C3orf70: variants seen among roughly 807,000 people sequenced by gnomAD.
C3orf70 encodes the protein UPF0524 protein C3orf70.
Under a neutral mutation model 20.7 loss-of-function variants are expected in C3orf70, and 15 were observed. That is an observed-to-expected ratio of 0.72 (90% CI 0.48 to 1.11). The LOEUF (loss-of-function observed/expected upper bound fraction) is 1.11, where lower values mean the gene tolerates loss of function less well. Ranked by LOEUF, C3orf70 falls within the 50% of genes most tolerant of loss-of-function variation. The probability of loss-of-function intolerance (pLI) is 0.00; values close to 1 mark genes in which losing one functional copy is unlikely to be tolerated. For synonymous variants in C3orf70, 161 were observed against 125.7 expected (o/e 1.28, Z -1.88); for missense variants, 332 against 317.6 (o/e 1.05, Z -0.34).
intron 1 of C3orf70, among the ~76,000 whole-genome samples, chr3:185,142,867 C>A (rs1345841821): frequency 6.6e-6 from 1 of 151,948 alleles, no homozygotes; most frequent in East Asian, 1.9e-4. Context: ...CACGATGAAA[C>A]AATTAGGCAA....
chr3:185,146,412 C>T (rs1308946329), intron 1 of C3orf70, among the ~76,000 whole-genome samples: 2 of 151,282 alleles, frequency 1.3e-5, no homozygotes, highest in African/African-American at 2.4e-5. Context: ...CTCAGCCTCC[C>T]GAGGAGCTGG....
intron 1 of C3orf70, among the ~76,000 whole-genome samples, chr3:185,090,810 A>G (rs1482497085): frequency 6.6e-6 from 1 of 152,198 alleles, no homozygotes; most frequent in Non-Finnish European, 1.5e-5. Flanking sequence ...GGCAGTCAAT[A>G]CACCAATATT....
chr3:185,126,822 G>A (rs1716421161), intron 1 of C3orf70, among the ~76,000 whole-genome samples: 1 of 152,120 alleles, frequency 6.6e-6, no homozygotes, highest in Non-Finnish European at 1.5e-5. Flanking sequence ...CAGTTGTATG[G>A]CCACAAAACA....
At position 185,152,949 on chromosome 3, in the gene C3orf70, G is replaced by A. The variant is rs1363552444; in HGVS notation, c.-126C>T. ...CGGGCCGGGAGTCACGCCAGCACGC[G>A]GCGGCGGCGGGAGCGCGGCGGTCCC... On this transcript the variant is annotated 5_prime_UTR_variant, in exon 1 of 2. Transcript: ENST00000335012. The A allele has an allele frequency of 8.8e-6, 7 of 792,396 alleles. No individual in the cohort carries two copies. Among genetic ancestry groups the A allele is most frequent in the Non-Finnish European group, 1.2e-5 (7 of 590,996 alleles). The allele number at this position is 792,396 out of a possible 1,614,324, so 49.1% of individuals were successfully genotyped here.
chr3:185,122,098 CAA>C (rs759419036), intron 1 of C3orf70, among the ~76,000 whole-genome samples: 2 of 59,010 alleles, frequency 3.4e-5, no homozygotes, highest in Admixed American at 1.7e-4. Context: ...GACTCCGTCT[CAA>C]AAAAAAAAAA....
chr3:185,148,415 A>G (rs559431310), intron 1 of C3orf70, among the ~76,000 whole-genome samples: 87 of 152,320 alleles, frequency 5.7e-4, no homozygotes, highest in African/African-American at 2.1e-3. Flanking sequence ...TCTAGAAGTT[A>G]ACCTTAATAA....
At chr3:185,119,841 T>C (rs970110223) in intron 1 of C3orf70, among the ~76,000 whole-genome samples, 31 of 151,610 alleles carry the variant, frequency 2.0e-4, no homozygotes, top group African/African-American at 7.0e-4. Context: ...CTGGCCAACA[T>C]AGTGAAACCC....
chr3:185,117,233 GT>G (rs1167053235), intron 1 of C3orf70, among the ~76,000 whole-genome samples: 1 of 151,762 alleles, frequency 6.6e-6, no homozygotes, highest in Non-Finnish European at 1.5e-5. Context: ...TTTCCCAATT[GT>G]TTTTTTTCTA....
chr3:185,088,155 C>A (rs1253000654), intron 1 of C3orf70, among the ~76,000 whole-genome samples: 2 of 152,164 alleles, frequency 1.3e-5, no homozygotes, highest in Non-Finnish European at 2.9e-5. Context: ...AGGTGATCCA[C>A]CCGCCTCGGC....
rs1317666152 is a variant in C3orf70, at chr3:185,122,216, T to C, written c.196+30412A>G. 2.6e-5 allele frequency among the ~76,000 whole-genome samples: 4 copies of C among 152,070 alleles called. 1 individual carries two copies. The South Asian group carries it at 8.3e-4, about 32-fold the overall frequency. On this transcript the variant is annotated intron_variant, in intron 1 of 1. Transcript: ENST00000335012. ...TAGATGATTCCAGAACCAGTAATAT[T>C]ACCAAGGATAAAGAAAGACATTACA...
chr3:185,083,641 T>C, intron 1 of C3orf70, 78 bp from the exon 2 acceptor site: 1 of 1,236,654 alleles, frequency 8.1e-7, no homozygotes, highest in Non-Finnish European at 1.1e-6. Flanking sequence ...TTCTGAGGAC[T>C]CAATGTCTTT....
At chr3:185,125,384 A>AAACAACAAC (rs141336074) in intron 1 of C3orf70, among the ~76,000 whole-genome samples, 1 of 149,798 alleles carries the variant, frequency 6.7e-6, no homozygotes. Flanking sequence ...CCATCTCCAA[A>AAACAACAAC]AACAACAACA....
intron 1 of C3orf70, among the ~76,000 whole-genome samples, chr3:185,137,407 A>G (rs1358870430): frequency 6.6e-6 from 1 of 152,214 alleles, no homozygotes; most frequent in Non-Finnish European, 1.5e-5. Flanking sequence ...GAAAATAAGC[A>G]AGGATATAGA....
At chr3:185,100,063 T>C (rs1160158748) in intron 1 of C3orf70, among the ~76,000 whole-genome samples, 1 of 152,132 alleles carries the variant, frequency 6.6e-6, no homozygotes, top group Non-Finnish European at 1.5e-5. Context: ...AGCAAGTTCT[T>C]AGAGACCTAA....
intron 1 of C3orf70, among the ~76,000 whole-genome samples, chr3:185,127,845 T>C (rs16859667): frequency 0.2 from 30,643 of 151,954 alleles, 3,373 homozygotes; most frequent in East Asian, 0.42. Context: ...CTTTAAAAAA[T>C]TGAGACGTTG....
At chr3:185,148,894 T>C (rs1460020224) in intron 1 of C3orf70, among the ~76,000 whole-genome samples, 2 of 152,248 alleles carry the variant, frequency 1.3e-5, no homozygotes, top group Admixed American at 6.5e-5. Flanking sequence ...TATGGACATG[T>C]ACATATTTTT....
Position 185,087,180 on chromosome 3 carries a change from T to A in C3orf70, c.197-3617A>T, listed in dbSNP as rs1003030467. ...ACTATATTCTCTGAACAATCGTAAT[T>A]AAGGGTTTACTGTGTTAAAGAATAA... On this transcript the variant is annotated intron_variant, in intron 1 of 1. Transcript: ENST00000335012. Among the ~76,000 whole-genome samples, 3 of 152,206 alleles carry A rather than the reference T, an allele frequency of 2.0e-5. No individual in the cohort carries two copies. The South Asian group carries it at 6.2e-4, about 31-fold the overall frequency.
At chr3:185,099,222 A>G (rs1446932512) in intron 1 of C3orf70, among the ~76,000 whole-genome samples, 1 of 152,202 alleles carries the variant, frequency 6.6e-6, no homozygotes, top group East Asian at 1.9e-4. Context: ...CAGGAAATGC[A>G]GAGAACCCCA....
At chr3:185,120,146 CT>C (rs879700744) in intron 1 of C3orf70, among the ~76,000 whole-genome samples, 6 of 151,966 alleles carry the variant, frequency 3.9e-5, no homozygotes, top group Non-Finnish European at 8.8e-5. Context: ...TAAAGGGTAA[CT>C]TCGCAAGTAT....
Sources: gnomAD v4.1 joint callset for allele counts (sites outside exome capture counted in the v4.1 genomes callset) on GRCh38, gnomAD v4.1.1 for gene constraint, MANE v1.5 for transcripts, NCBI Gene and HGNC (gene_info 2026-07-23, HGNC 2026-07-21) for gene names.